Variants in TMEM117 observed in about 807,000 individuals in gnomAD.
The protein encoded by TMEM117 is transmembrane protein 117.
Under a neutral mutation model 52.4 loss-of-function variants are expected in TMEM117, and 27 were observed. The ratio of observed to expected loss-of-function variants is 0.51; its 90% CI spans 0.38 to 0.71. The LOEUF (loss-of-function observed/expected upper bound fraction) is 0.71. Among genes scored for constraint, TMEM117 ranks in the 30% least tolerant of loss-of-function variants. The pLI, the probability that TMEM117 is intolerant of heterozygous loss-of-function variation, is 0.00. For synonymous variants in TMEM117, 215 were observed against 206.3 expected (o/e 1.04, Z -0.36); for missense variants, 556 against 630.5 (o/e 0.88, Z 1.26).
At chr12:44,019,996 C>T (rs1407735434) in intron 3 of TMEM117, among the ~76,000 whole-genome samples, 1 of 152,148 alleles carries the variant, frequency 6.6e-6, no homozygotes, top group Admixed American at 6.5e-5. Flanking sequence ...AGACATTCTT[C>T]CTCCTACTAC....
At chr12:44,320,690 G>C (rs1052124827) in intron 6 of TMEM117, among the ~76,000 whole-genome samples, 2 of 152,176 alleles carry the variant, frequency 1.3e-5, no homozygotes, top group African/African-American at 4.8e-5. Flanking sequence ...CCAACCCTCA[G>C]CTTATATGCT....
chr12:44,386,424 T>C (rs1214682474), intron 7 of TMEM117, among the ~76,000 whole-genome samples: 1 of 152,144 alleles, frequency 6.6e-6, no homozygotes, highest in Non-Finnish European at 1.5e-5. Flanking sequence ...CCCAAAAAAA[T>C]CATTCAGGCA....
downstream of TMEM117, among the ~76,000 whole-genome samples, chr12:44,392,700 G>T (rs749441591): frequency 2.7e-5 from 4 of 145,498 alleles, no homozygotes; most frequent in Non-Finnish European, 6.0e-5. Flanking sequence ...CAGGCCCCGG[G>T]GTGTGATGTT....
At chr12:44,137,771 CAACT>C (rs1384883439) in intron 3 of TMEM117, among the ~76,000 whole-genome samples, 6 of 152,118 alleles carry the variant, frequency 3.9e-5, no homozygotes, top group Non-Finnish European at 8.8e-5. Flanking sequence ...CCCACTTATT[CAACT>C]ACCTACCACT....
intron 3 of TMEM117, among the ~76,000 whole-genome samples, chr12:44,118,303 A>G (rs565465448): frequency 6.6e-6 from 1 of 152,314 alleles, no homozygotes; most frequent in South Asian, 2.1e-4. Flanking sequence ...AGAGAATGAC[A>G]TGTATTTAAC....
chr12:44,299,512 T>A (rs767024996), intron 5 of TMEM117, 68 bp from the exon 6 acceptor site: 24 of 1,558,732 alleles, frequency 1.5e-5, no homozygotes, highest in Non-Finnish European at 2.1e-5. Flanking sequence ...ACAACACAGA[T>A]AACATGCACT....
intron 3 of TMEM117, among the ~76,000 whole-genome samples, chr12:44,103,466 T>C (rs1565828748): frequency 6.6e-6 from 1 of 152,040 alleles, no homozygotes; most frequent in Non-Finnish European, 1.5e-5. Context: ...TTGTTTCTTA[T>C]ATTATCTTTC....
rs115725508 is a variant in TMEM117 at position 44,230,361 on chromosome 12, C to T, written c.608+18974C>T. Among the ~76,000 whole-genome samples the T allele has an allele frequency of 7.9e-5, 12 of 152,068 alleles. No homozygotes were observed. In the East Asian group the frequency reaches 2.3e-3, roughly 29 times the overall value. ...TGCTTTTCCCTCTTCCCCTCCACCT[C>T]TCTCTCTCTGAAATGGCAATGTCAT... On this transcript the variant is annotated intron_variant, in intron 5 of 7. Transcript: ENST00000266534.
intron 5 of TMEM117, among the ~76,000 whole-genome samples, chr12:44,214,201 C>CA (rs112591486): frequency 0.11 from 15,349 of 136,686 alleles, 885 homozygotes; most frequent in Middle Eastern, 0.24. Context: ...GGCTGGAGTG[C>CA]GTGGCACAGT....
At chr12:43,997,196 A>G (rs1946046005) in intron 3 of TMEM117, among the ~76,000 whole-genome samples, 1 of 152,248 alleles carries the variant, frequency 6.6e-6, no homozygotes, top group Admixed American at 6.5e-5. Flanking sequence ...TTTGACTCCA[A>G]AACCTGCATA....
At chr12:44,134,516 A>G (rs373389490) in intron 3 of TMEM117, among the ~76,000 whole-genome samples, 1 of 152,130 alleles carries the variant, frequency 6.6e-6, no homozygotes, top group East Asian at 1.9e-4. Context: ...ACACCTGTGA[A>G]ATTTATATGC....
At chr12:44,249,188 TTG>T (rs146506928) in intron 5 of TMEM117, among the ~76,000 whole-genome samples, 2 of 150,482 alleles carry the variant, frequency 1.3e-5, no homozygotes, top group Non-Finnish European at 1.5e-5. Context: ...TGGGAGGGTT[TTG>T]TGTGTGTGTG....
At chr12:44,074,646 T>G (rs930976434) in intron 3 of TMEM117, among the ~76,000 whole-genome samples, 1 of 152,188 alleles carries the variant, frequency 6.6e-6, no homozygotes, top group Non-Finnish European at 1.5e-5. Flanking sequence ...TTTGTCTGAC[T>G]TGGGACTTTA....
At chr12:44,297,645 T>C (rs962549174) in intron 5 of TMEM117, among the ~76,000 whole-genome samples, 2 of 152,186 alleles carry the variant, frequency 1.3e-5, no homozygotes, top group East Asian at 1.9e-4. Context: ...AAAATACCCT[T>C]ACTACCAAAA....
chr12:43,941,458 A>AT (rs1945043331), intron 2 of TMEM117, among the ~76,000 whole-genome samples: 1 of 152,210 alleles, frequency 6.6e-6, no homozygotes, highest in African/African-American at 2.4e-5. Context: ...GGGAAACCAC[A>AT]TATATAGTCA....
chr12:44,340,240 A>T (rs186092087), intron 6 of TMEM117, among the ~76,000 whole-genome samples: 2 of 152,260 alleles, frequency 1.3e-5, no homozygotes, highest in East Asian at 3.9e-4. Flanking sequence ...GACGTAAATG[A>T]AGTAAATGCA....
At chr12:44,299,505 A>G (rs7953537) in intron 5 of TMEM117, 75 bp from the exon 6 acceptor site, 36,194 of 1,547,198 alleles carry the variant, frequency 0.023, 902 homozygotes, top group African/African-American at 0.12. Flanking sequence ...ATTTAATACA[A>G]CACAGATAAC....
intron 5 of TMEM117, among the ~76,000 whole-genome samples, chr12:44,232,088 GTAT>G (rs531365202): frequency 2.4e-3 from 364 of 151,708 alleles, no homozygotes; most frequent in South Asian, 3.9e-3. Context: ...AACCTAGGAA[GTAT>G]TATGTAAATA....
intron 4 of TMEM117, among the ~76,000 whole-genome samples, chr12:44,173,356 C>T (rs545974944): frequency 3.3e-5 from 5 of 152,254 alleles, no homozygotes; most frequent in Admixed American, 1.3e-4. Flanking sequence ...GAATTATAGA[C>T]GTGAGCCACC....
Sources: gnomAD v4.1 joint callset for allele counts (sites outside exome capture counted in the v4.1 genomes callset) on GRCh38, gnomAD v4.1.1 for gene constraint, MANE v1.5 for transcripts, NCBI Gene and HGNC (gene_info 2026-07-23, HGNC 2026-07-21) for gene names.